Variants in SGCD observed in about 807,000 individuals in gnomAD.
SGCD encodes sarcoglycan delta, also known as delta-sarcoglycan.
In SGCD, 18 loss-of-function variants were observed where a neutral mutation model predicts 36.6. The ratio of observed to expected loss-of-function variants is 0.49; its 90% CI spans 0.34 to 0.73. The LOEUF (loss-of-function observed/expected upper bound fraction) is 0.73, where lower values mean the gene tolerates loss of function less well. Ranked by LOEUF, SGCD falls within the 30% of genes least tolerant of loss-of-function variation. The pLI is 0.01. For synonymous variants in SGCD, 133 were observed against 130.6 expected (o/e 1.02, Z -0.12); for missense variants, 387 against 346.7 (o/e 1.12, Z -0.92).
At chr5:156,057,564 G>T (rs1760092397) in intron 1 of SGCD, among the ~76,000 whole-genome samples, 1 of 146,520 alleles carries the variant, frequency 6.8e-6, no homozygotes, top group Non-Finnish European at 1.5e-5. Flanking sequence ...CAGAGAAAAT[G>T]ATCATCATTT....
At chr5:156,307,985 T>A (rs1005387278) in intron 3 of SGCD, among the ~76,000 whole-genome samples, 2 of 152,178 alleles carry the variant, frequency 1.3e-5, no homozygotes, top group African/African-American at 2.4e-5. Flanking sequence ...TATATTATTT[T>A]CCTAAATCAT....
In SGCD at chr5:155,965,201, T is replaced by C. The variant is rs369489302; in HGVS notation, c.-282+94777T>C. Among the ~76,000 whole-genome samples the C allele has an allele frequency of 1.2e-3, 178 of 152,278 alleles. 3 individuals are homozygous for C. The highest frequency in any genetic ancestry group is 4.1e-3 in the African/African-American group (172 of 41,578). On this transcript the variant is annotated intron_variant, in intron 1 of 9. Coordinates refer to the SGCD transcript ENST00000517913. Reference sequence around the variant, plus strand: ...TCCCTAATTTCTGTATACCTGATGTTTGACCTTGTTTCAGAATCCTGCTCT... The same window carrying C: ...TCCCTAATTTCTGTATACCTGATGTCTGACCTTGTTTCAGAATCCTGCTCT...
In SGCD at chr5:156,764,010, G is replaced by GT. The variant is rs1291674212; in HGVS notation, c.*4621dup. 6.6e-6 allele frequency: 1 copy of GT among 152,082 alleles called. No individual in the cohort carries two copies. Among genetic ancestry groups the GT allele is most frequent in the Non-Finnish European group, 1.5e-5 (1 of 67,998 alleles). 9.4% of individuals were successfully genotyped at this position (152,082 alleles called of 1,614,324 possible). A position where few individuals can be genotyped will look rare whatever the true frequency, so the allele number is the denominator to read the frequency against. ...CTGATTTTTCAAGGCTCTATGAAAGGTCAAAAATTTCATTAAACAAGACCA... is the reference window on the plus strand; with the variant it reads ...CTGATTTTTCAAGGCTCTATGAAAGGTTCAAAAATTTCATTAAACAAGACCA... On this transcript the variant is annotated 3_prime_UTR_variant, in exon 9 of 9. Transcript: ENST00000337851.
At chr5:156,656,117 A>G (rs995203229) in intron 7 of SGCD, among the ~76,000 whole-genome samples, 9 of 152,194 alleles carry the variant, frequency 5.9e-5, no homozygotes, top group Admixed American at 1.3e-4. Flanking sequence ...GGAGGGAACC[A>G]TGAAATATCA....
At chr5:155,812,862 G>T in the SGCD span, among the ~76,000 whole-genome samples, 1 of 152,092 alleles carries the variant, frequency 6.6e-6, no homozygotes, top group Non-Finnish European at 1.5e-5. Flanking sequence ...CATTACCATA[G>T]TTCTAGTTGG....
chr5:156,181,244 G>C (rs1412101429), intron 3 of SGCD, among the ~76,000 whole-genome samples: 1 of 152,058 alleles, frequency 6.6e-6, no homozygotes, highest in African/African-American at 2.4e-5. Context: ...CTAATAATTA[G>C]CAATACAACT....
At chr5:156,703,691 A>G (rs755899369) in intron 7 of SGCD, among the ~76,000 whole-genome samples, 23 of 152,204 alleles carry the variant, frequency 1.5e-4, no homozygotes, top group Admixed American at 6.5e-5. Context: ...TTGAGGATAC[A>G]GAGATAAGAA....
intron 1 of SGCD, among the ~76,000 whole-genome samples, chr5:155,987,491 G>T (rs938544898): frequency 2.6e-5 from 4 of 152,132 alleles, no homozygotes; most frequent in African/African-American, 9.7e-5. Flanking sequence ...CTCCCAGTCT[G>T]CTGCCAATTA....
intron 6 of SGCD, among the ~76,000 whole-genome samples, chr5:156,610,995 G>A (rs533290951): frequency 1.5e-4 from 23 of 152,342 alleles, no homozygotes; most frequent in African/African-American, 5.0e-4. Flanking sequence ...CTTCCCAGGT[G>A]AGGCGATGCC....
At chr5:156,630,325 T>C (rs571950326) in intron 6 of SGCD, among the ~76,000 whole-genome samples, 1 of 152,188 alleles carries the variant, frequency 6.6e-6, no homozygotes, top group East Asian at 1.9e-4. Flanking sequence ...CAATAAATGT[T>C]TGGATGGATG....
At chr5:156,032,916 A>G (rs1490504305) in intron 1 of SGCD, among the ~76,000 whole-genome samples, 2 of 151,410 alleles carry the variant, frequency 1.3e-5, no homozygotes, top group Admixed American at 6.6e-5. Flanking sequence ...CACAAAAATT[A>G]AAATAAAAAC....
chr5:156,053,740 G>A (rs990813537), intron 1 of SGCD, among the ~76,000 whole-genome samples: 3 of 146,234 alleles, frequency 2.1e-5, no homozygotes, highest in African/African-American at 7.4e-5. Context: ...AGTGCATTCA[G>A]GCTGCTATAA....
At chr5:156,558,250 C>T (rs982234617) in intron 4 of SGCD, among the ~76,000 whole-genome samples, 2 of 151,528 alleles carry the variant, frequency 1.3e-5, no homozygotes, top group East Asian at 1.9e-4. Flanking sequence ...GTTACTTACC[C>T]TCTCCCATGT....
At chr5:156,636,414 G>C (rs1762829890) in intron 6 of SGCD, among the ~76,000 whole-genome samples, 1 of 152,114 alleles carries the variant, frequency 6.6e-6, no homozygotes, top group African/African-American at 2.4e-5. Flanking sequence ...TCCCATAACA[G>C]GGTCCTTGGC....
chr5:156,450,513 A>G (rs1016243642), intron 3 of SGCD, among the ~76,000 whole-genome samples: 8 of 151,268 alleles, frequency 5.3e-5, no homozygotes, highest in Non-Finnish European at 1.0e-4. Context: ...CAAGAATTGC[A>G]TACAGTAAGC....
rs7726081 is a variant in SGCD at position 156,494,691 on chromosome 5, G to A, written c.193-13910G>A. 6.2e-3 allele frequency among the ~76,000 whole-genome samples: 936 copies of A among 152,146 alleles called. 6 individuals are homozygous for A. The highest frequency in any genetic ancestry group is 0.021 in the African/African-American group (854 of 41,516). ...AAATAATAAAAAATCCAAATTCCTC[G>A]TGGTATCTTCTTCAAGATGCTCTAT... is the stretch of plus-strand genomic sequence containing the variant. On this transcript the variant is annotated intron_variant, in intron 3 of 8. Transcript: ENST00000337851.
At chr5:156,709,948 G>C (rs115482506) in intron 7 of SGCD, among the ~76,000 whole-genome samples, 2,669 of 151,600 alleles carry the variant, frequency 0.018, 32 homozygotes, top group Non-Finnish European at 0.029. Flanking sequence ...AGCCATAAAG[G>C]ACTTTTGATA....
At chr5:156,347,264 G>A (rs1212392806) in intron 3 of SGCD, among the ~76,000 whole-genome samples, 1 of 152,258 alleles carries the variant, frequency 6.6e-6, no homozygotes, top group East Asian at 1.9e-4. Context: ...GGTCCATTTG[G>A]CCTTAAGTCC....
At chr5:156,669,810 A>G (rs1753213042) in intron 7 of SGCD, among the ~76,000 whole-genome samples, 1 of 152,190 alleles carries the variant, frequency 6.6e-6, no homozygotes, top group Non-Finnish European at 1.5e-5. Context: ...GATTGATTGT[A>G]ACTGTGATCC....
Sources: allele counts gnomAD v4.1 joint callset (sites outside exome capture counted in the v4.1 genomes callset), GRCh38; gene constraint gnomAD v4.1.1; transcripts MANE v1.5; gene names NCBI Gene and HGNC (gene_info 2026-07-23, HGNC 2026-07-21).